The following SUPT3H variants were observed in gnomAD, a reference collection of about 807,000 sequenced individuals.
The protein encoded by SUPT3H is transcription initiation protein SPT3 homolog.
A neutral mutation model predicts 44.3 loss-of-function variants in SUPT3H; 44 were observed. The observed-to-expected ratio is 0.99, with a 90% CI of 0.78 to 1.28. The LOEUF (loss-of-function observed/expected upper bound fraction) is 1.28, where lower values mean the gene tolerates loss of function less well. SUPT3H is among the 50% of genes most tolerant of loss of function. The pLI, the probability that SUPT3H is intolerant of heterozygous loss-of-function variation, is 0.00. For synonymous variants in SUPT3H, 124 were observed against 125.6 expected, an observed-to-expected ratio of 0.99 and a Z score of 0.09; for missense variants, 380 against 387.1, an observed-to-expected ratio of 0.98 and a Z score of 0.15.
chr6:45,334,814 A>G (rs1788239791), intron 2 of SUPT3H, among the ~76,000 whole-genome samples: 1 of 151,246 alleles, frequency 6.6e-6, no homozygotes, highest in Non-Finnish European at 1.5e-5. Flanking sequence ...CATGAAATAT[A>G]ATCAAAATTT....
At chr6:45,238,462 C>G (rs1169680697) in intron 2 of SUPT3H, among the ~76,000 whole-genome samples, 1 of 152,142 alleles carries the variant, frequency 6.6e-6, no homozygotes, top group African/African-American at 2.4e-5. Context: ...TATTTTCTAC[C>G]CTTAGAGGAG....
chr6:45,194,483 T>G (rs1313456202), intron 2 of SUPT3H, among the ~76,000 whole-genome samples: 1 of 152,156 alleles, frequency 6.6e-6, no homozygotes, highest in Admixed American at 6.5e-5. Flanking sequence ...CTTGTTGTAT[T>G]GGTGATAACT....
intron 10 of SUPT3H, among the ~76,000 whole-genome samples, chr6:44,889,278 T>C (rs1762867666): frequency 6.6e-6 from 1 of 152,152 alleles, no homozygotes; most frequent in Admixed American, 6.5e-5. Context: ...TTAAAGTTCA[T>C]ATGGAACCAA....
At chr6:45,094,775 A>G (rs1450308975) in intron 3 of SUPT3H, among the ~76,000 whole-genome samples, 1 of 152,132 alleles carries the variant, frequency 6.6e-6, no homozygotes, top group African/African-American at 2.4e-5. Flanking sequence ...ATTAGGAGTG[A>G]TCAATTACAA....
chr6:45,216,364 T>TA (rs1015621419), intron 2 of SUPT3H, among the ~76,000 whole-genome samples: 12 of 151,726 alleles, frequency 7.9e-5, no homozygotes, highest in Admixed American at 3.3e-4. Flanking sequence ...CACGAAACTG[T>TA]AAAAAAAATT....
chr6:45,342,199 TTC>T (rs1228655234), intron 2 of SUPT3H, among the ~76,000 whole-genome samples: 1 of 152,054 alleles, frequency 6.6e-6, no homozygotes, highest in African/African-American at 2.4e-5. Flanking sequence ...ATAGAATGAG[TTC>T]TCTTTGTCAC....
intron 6 of SUPT3H, among the ~76,000 whole-genome samples, chr6:44,985,201 A>AAATG (rs760529719): frequency 0.13 from 5,900 of 45,714 alleles, 178 homozygotes; most frequent in Admixed American, 0.18. Context: ...ATAAATAAAT[A>AAATG]AATAAATAAA....
At chr6:45,126,653 G>A (rs891763406) in intron 2 of SUPT3H, among the ~76,000 whole-genome samples, 2 of 152,142 alleles carry the variant, frequency 1.3e-5, no homozygotes, top group Non-Finnish European at 2.9e-5. Flanking sequence ...CAGTGTTAGC[G>A]ATGTAAGGAT....
chr6:45,230,490 T>G (rs1467641452), intron 2 of SUPT3H, among the ~76,000 whole-genome samples: 1 of 151,450 alleles, frequency 6.6e-6, no homozygotes. Context: ...TCTTTGTCTT[T>G]TTTTATGGGT....
At chr6:45,283,537 T>C (rs192143738) in intron 2 of SUPT3H, among the ~76,000 whole-genome samples, 178 of 152,164 alleles carry the variant, frequency 1.2e-3, no homozygotes, top group African/African-American at 4.0e-3. Context: ...AAGAGCTAAC[T>C]ATCCTAAATA....
At chr6:44,985,212 T>TAAATAAAATAAAATA (rs5875901) in intron 6 of SUPT3H, among the ~76,000 whole-genome samples, 58 of 113,602 alleles carry the variant, frequency 5.1e-4, no homozygotes, top group East Asian at 2.1e-3. Context: ...AATAAATAAA[T>TAAATAAAATAAAATA]AAATAAAATA....
chr6:45,020,703 T>C, intron 3 of SUPT3H, 71 bp from the exon 4 acceptor site: 1 of 1,057,432 alleles, frequency 9.5e-7, no homozygotes, highest in Non-Finnish European at 1.4e-6. Flanking sequence ...ATGATGTCTC[T>C]AAAGAGATAA....
chr6:44,810,997 C>A (rs1428483303), intron 11 of SUPT3H, among the ~76,000 whole-genome samples: 1 of 152,132 alleles, frequency 6.6e-6, no homozygotes, highest in Non-Finnish European at 1.5e-5. Flanking sequence ...CACCTACTTT[C>A]CTCTATTATT....
intron 2 of SUPT3H, among the ~76,000 whole-genome samples, chr6:45,194,009 G>T (rs1465984462): frequency 3.9e-5 from 6 of 151,908 alleles, no homozygotes; most frequent in African/African-American, 7.3e-5. Flanking sequence ...TATACACTTG[G>T]GTCTTCAGCT....
At chr6:44,943,854 A>G (rs987823657) in intron 9 of SUPT3H, among the ~76,000 whole-genome samples, 2 of 152,172 alleles carry the variant, frequency 1.3e-5, no homozygotes, top group Non-Finnish European at 2.9e-5. Flanking sequence ...GATAACCATC[A>G]CTAGCTAACT....
Position 45,044,819 on chromosome 6 carries a change from AAT to A in SUPT3H, c.187-24189_187-24188del, listed in dbSNP as rs143925518. On this transcript the variant is annotated intron_variant, in intron 3 of 10. Transcript: ENST00000371459. ...TGGATGGGATCTCTTCCAGTTTTAGAATAAAGCCACTTCTCTCTGGCCAACTG... is the reference window on the plus strand; with the variant it reads ...TGGATGGGATCTCTTCCAGTTTTAGAAAAGCCACTTCTCTCTGGCCAACTG... Among the ~76,000 whole-genome samples, 279 of 152,252 alleles carry A rather than the reference AAT, an allele frequency of 1.8e-3. 8 individuals are homozygous for A. The East Asian group carries it at 0.052, about 28-fold the overall frequency.
intron 6 of SUPT3H, among the ~76,000 whole-genome samples, chr6:44,974,587 A>G (rs1321128501): frequency 3.3e-5 from 5 of 152,192 alleles, no homozygotes; most frequent in Non-Finnish European, 7.4e-5. Flanking sequence ...CAGGAAGATC[A>G]TGGTACCAAA....
At chr6:45,293,086 C>T (rs1780572677) in intron 2 of SUPT3H, among the ~76,000 whole-genome samples, 1 of 152,004 alleles carries the variant, frequency 6.6e-6, no homozygotes, top group Admixed American at 6.6e-5. Flanking sequence ...CACAATGGGG[C>T]ACAAAATGAG....
chr6:45,352,251 G>C (rs2150195371), intron 2 of SUPT3H, among the ~76,000 whole-genome samples: 1 of 152,186 alleles, frequency 6.6e-6, no homozygotes, highest in South Asian at 2.1e-4. Flanking sequence ...TTCAGCCTTA[G>C]AAAATACAAT....
Sources: allele counts gnomAD v4.1 joint callset (sites outside exome capture counted in the v4.1 genomes callset), GRCh38; gene constraint gnomAD v4.1.1; transcripts MANE v1.5; gene names NCBI Gene and HGNC (gene_info 2026-07-23, HGNC 2026-07-21).